The following NPAS2 variants were observed in gnomAD, a reference collection of about 807,000 sequenced individuals.
NPAS2 encodes the protein neuronal PAS domain-containing protein 2.
Under a neutral mutation model 107.5 loss-of-function variants are expected in NPAS2, and 23 were observed. The ratio of observed to expected loss-of-function variants is 0.21; its 90% CI spans 0.15 to 0.30. The LOEUF is 0.30. Among genes scored for constraint, NPAS2 ranks in the 10% least tolerant of loss-of-function variants. The pLI is 1.00. For synonymous variants in NPAS2, 403 were observed against 417.5 expected, an observed-to-expected ratio of 0.97 and a Z score of 0.42; for missense variants, 756 against 1,043.3, an observed-to-expected ratio of 0.72 and a Z score of 3.79.
chr2:100,831,893 T>C (rs1243188937), intron 1 of NPAS2, among the ~76,000 whole-genome samples: 3 of 152,164 alleles, frequency 2.0e-5, no homozygotes, highest in Non-Finnish European at 4.4e-5. Flanking sequence ...TCCTGGCTTT[T>C]CTATTCTCTC....
chr2:100,885,193 G>A (rs1039163667), intron 1 of NPAS2, among the ~76,000 whole-genome samples: 8 of 151,998 alleles, frequency 5.3e-5, no homozygotes, highest in East Asian at 1.9e-4. Context: ...CTCATGATCC[G>A]CCTGCCTCGG....
chr2:100,885,192 C>T (rs548714796), intron 1 of NPAS2, among the ~76,000 whole-genome samples: 1 of 152,110 alleles, frequency 6.6e-6, no homozygotes, highest in Non-Finnish European at 1.5e-5. Flanking sequence ...CCTCATGATC[C>T]GCCTGCCTCG....
At chr2:100,933,125 CAG>C in intron 4 of NPAS2, 124 bp downstream of exon 4, 1 of 686,712 alleles carries the variant, frequency 1.5e-6, no homozygotes, top group South Asian at 1.8e-5. Flanking sequence ...GACTTTGAAA[CAG>C]ATACCTCCCT....
rs77674735 is a variant in NPAS2, at chr2:100,936,189, G to A, written c.274-1564G>A. 5.3e-3 allele frequency among the ~76,000 whole-genome samples: 800 copies of A among 152,204 alleles called. 11 individuals are homozygous for A. The highest frequency in any genetic ancestry group is 0.016 in the African/African-American group (681 of 41,516). ...GGTGAAAAGAACTCTTTCCCCTTTC[G>A]GCATGGTATAAAGGTGCCCTTCATG... On this transcript the variant is annotated intron_variant, in intron 4 of 20. Transcript: ENST00000335681.
chr2:100,939,947 G>A (rs924767796), intron 5 of NPAS2, among the ~76,000 whole-genome samples: 2 of 152,116 alleles, frequency 1.3e-5, no homozygotes, highest in African/African-American at 4.8e-5. Flanking sequence ...CTAAGACTCT[G>A]TATATATATA....
At chr2:100,981,429 T>C (rs1677431243) in intron 15 of NPAS2, among the ~76,000 whole-genome samples, 1 of 151,988 alleles carries the variant, frequency 6.6e-6, no homozygotes. Flanking sequence ...TCCCAAACAG[T>C]GTTTCCTGGA....
intron 2 of NPAS2, among the ~76,000 whole-genome samples, chr2:100,911,924 G>A (rs566280439): frequency 1.3e-5 from 2 of 152,298 alleles, no homozygotes; most frequent in East Asian, 1.9e-4. Context: ...GAGCAATGGC[G>A]CCCGGCTTCC....
In NPAS2 at chr2:100,968,056, C is replaced by T. The variant is rs567646432; in HGVS notation, c.908-225C>T. 2.6e-5 allele frequency among the ~76,000 whole-genome samples: 4 copies of T among 152,322 alleles called. No homozygotes were observed. The highest frequency in any genetic ancestry group is 4.1e-4 in the South Asian group (2 of 4,820). ...GCCCTTATCTGAGGATCTCTTTAAGCGTCTGAGCATTTGGGAAAGTATATG... is the reference window on the plus strand; with the variant it reads ...GCCCTTATCTGAGGATCTCTTTAAGTGTCTGAGCATTTGGGAAAGTATATG... On this transcript the variant is annotated intron_variant, in intron 10 of 20. Coordinates refer to ENST00000335681, the MANE Select transcript of NPAS2 (RefSeq NM_002518.4). The surrounding 1 kb of genome is among the most constrained non-coding windows in gnomAD (Gnocchi z 5.3).
At chr2:100,926,859 A>G (rs573430097) in intron 3 of NPAS2, among the ~76,000 whole-genome samples, 1 of 151,944 alleles carries the variant, frequency 6.6e-6, no homozygotes, top group Admixed American at 6.6e-5. Flanking sequence ...TATCTAAGAA[A>G]TCATTGCCTA....
upstream of NPAS2, among the ~76,000 whole-genome samples, chr2:100,819,860 C>G (rs183665299): frequency 4.3e-3 from 650 of 152,190 alleles, 24 homozygotes; most frequent in East Asian, 0.088. The surrounding 1 kb of genome is among the most constrained non-coding windows in gnomAD (Gnocchi z 5.8). Context: ...GCCGCGCGTC[C>G]CTGGCAGCCC....
In NPAS2 at chr2:100,980,175, G is replaced by A. The variant is rs569045360; in HGVS notation, c.1483-2056G>A. 2.0e-5 allele frequency among the ~76,000 whole-genome samples: 3 copies of A among 152,162 alleles called. No individual in the cohort carries two copies. The East Asian group carries it at 5.8e-4, about 29-fold the overall frequency. ...GAGGCCTTGAAAAAATCCGAATAAC[G>A]TGAGAGGCAGCCACCACCTCCTAAC... On this transcript the variant is annotated intron_variant, in intron 15 of 20. Coordinates refer to ENST00000335681, the MANE Select transcript of NPAS2 (RefSeq NM_002518.4).
At chr2:100,829,977 T>C (rs1676625803) in intron 1 of NPAS2, among the ~76,000 whole-genome samples, 1 of 152,030 alleles carries the variant, frequency 6.6e-6, no homozygotes, top group Non-Finnish European at 1.5e-5. Flanking sequence ...AAAGGCAAGA[T>C]GACAAAAGAA....
rs114101272 is a variant in NPAS2, at chr2:100,978,560, G to A, written c.1482+761G>A. Among the ~76,000 whole-genome samples the A allele has an allele frequency of 4.4e-3, 671 of 152,146 alleles. 11 individuals carry two copies. Among genetic ancestry groups the A allele is most frequent in the African/African-American group, 0.016 (654 of 41,466 alleles). ...AAAGAAAGAAAGAAAGAAAAGAAAA[G>A]GATTACGGCTTTGCTGAGTAATTCC... On this transcript the variant is annotated intron_variant, in intron 15 of 20. Transcript: ENST00000335681.
rs929330738 is a variant in NPAS2, at chr2:100,965,877, T to C, written c.907+111T>C. 9.2e-5 allele frequency: 64 copies of C among 692,194 alleles called. No homozygotes were observed. Among genetic ancestry groups the C allele is most frequent in the Non-Finnish European group, 5.5e-5 (22 of 397,778 alleles). 42.9% of individuals were successfully genotyped at this position (692,194 alleles called of 1,614,324 possible). A position where few individuals can be genotyped will look rare whatever the true frequency, so the allele number is the denominator to read the frequency against. The stretch of plus-strand genomic sequence containing the variant: ...CTCTGCTCGTTACCTGGTTTCTTTT[T>C]AAGGTGAGGAACTTGGTTTTCTCTG... On this transcript the variant is annotated intron_variant, in intron 10 of 20. Coordinates refer to ENST00000335681, the MANE Select transcript of NPAS2 (RefSeq NM_002518.4). The surrounding 1 kb of genome is among the most constrained non-coding windows in gnomAD (Gnocchi z 4.3).
At chr2:100,993,780 T>C (rs1678282880) in intron 20 of NPAS2, 1 of 392,314 alleles carries the variant, frequency 2.5e-6, no homozygotes, top group South Asian at 1.2e-4. Flanking sequence ...AGGTTCTTTT[T>C]TAAAAAAGTA....
intron 18 of NPAS2, 144 bp downstream of exon 18, chr2:100,990,590 C>A: frequency 9.3e-7 from 1 of 1,077,540 alleles, no homozygotes. Flanking sequence ...AAGCAGAGGA[C>A]AGGGCTTGGG....
intron 3 of NPAS2, among the ~76,000 whole-genome samples, chr2:100,930,787 G>T (rs1383576018): frequency 2.0e-5 from 3 of 152,080 alleles, no homozygotes; most frequent in African/African-American, 7.2e-5. Context: ...AAAGAAATGG[G>T]TATTTCATTT....
intron 1 of NPAS2, among the ~76,000 whole-genome samples, chr2:100,868,518 A>T (rs1160740361): frequency 6.6e-6 from 1 of 152,226 alleles, no homozygotes; most frequent in East Asian, 1.9e-4. Flanking sequence ...TCCTGAATCT[A>T]AGAATTGGTG....
intron 15 of NPAS2, among the ~76,000 whole-genome samples, chr2:100,978,066 A>C (rs1303176529): frequency 6.6e-6 from 1 of 152,044 alleles, no homozygotes; most frequent in Middle Eastern, 3.4e-3. Context: ...TGTATGGATA[A>C]GTTCTTTAGG....
Sources: gnomAD v4.1 joint callset for allele counts (sites outside exome capture counted in the v4.1 genomes callset) on GRCh38, gnomAD v4.1.1 for gene constraint, Gnocchi (gnomAD v3.1) non-coding constraint, MANE v1.5 for transcripts, NCBI Gene and HGNC (gene_info 2026-07-23, HGNC 2026-07-21) for gene names.